Variants in DLG2 observed in about 807,000 individuals in gnomAD.
DLG2 encodes the protein discs large MAGUK scaffold protein 2.
A neutral mutation model predicts 132.5 loss-of-function variants in DLG2; 45 were observed. The observed-to-expected ratio is 0.34, with a 90% confidence interval of 0.27 to 0.44. The LOEUF is 0.44. DLG2 is among the 20% of genes least tolerant of loss of function. The pLI is 1.00. For synonymous variants in DLG2, 424 were observed against 419.6 expected, an observed-to-expected ratio of 1.01 and a Z score of -0.13; for missense variants, 1,045 against 1,196.9, an observed-to-expected ratio of 0.87 and a Z score of 1.87.
Position 83,921,983 on chromosome 11 carries a change from ACC to A in DLG2, c.1496+8343_1496+8344del, listed in dbSNP as rs2078023361. On this transcript the variant is annotated intron_variant, in intron 15 of 27. Coordinates refer to ENST00000376104, the MANE Select transcript of DLG2 (RefSeq NM_001142699.3). ...CAACTCTGTTATCTCAAGGTATTTGACCCTCATGAAGCCTCCTGACTCTACCT... is the reference window on the plus strand; with the variant it reads ...CAACTCTGTTATCTCAAGGTATTTGACTCATGAAGCCTCCTGACTCTACCT... 2.6e-5 allele frequency among the ~76,000 whole-genome samples: 4 copies of A among 152,098 alleles called. No individual in the cohort carries two copies. The South Asian group carries it at 8.3e-4, about 31-fold the overall frequency.
chr11:85,330,993 T>C (rs1417858968), intron 3 of DLG2, among the ~76,000 whole-genome samples: 1 of 152,138 alleles, frequency 6.6e-6, no homozygotes, highest in African/African-American at 2.4e-5. Flanking sequence ...GCAGGGATGA[T>C]AAAATACAAA....
At chr11:85,281,005 T>C (rs1215181880) in intron 4 of DLG2, among the ~76,000 whole-genome samples, 3 of 152,042 alleles carry the variant, frequency 2.0e-5, no homozygotes, top group Non-Finnish European at 4.4e-5. Context: ...CAGGTTAAAA[T>C]GCTATGGGAT....
At position 84,197,585 on chromosome 11, in the gene DLG2, G is replaced by A. The variant is rs529307014; in HGVS notation, c.574-34074C>T. Among the ~76,000 whole-genome samples the A allele has an allele frequency of 5.3e-5, 8 of 152,236 alleles. No homozygotes were observed. In the South Asian group the frequency reaches 1.7e-3, roughly 32 times the overall value. On this transcript the variant is annotated intron_variant, in intron 8 of 27. Transcript: ENST00000376104. ...AGACACAATTAAAATTTTTACAAAG[G>A]AAGGTGCCTAAGCAGAAGGTATTTG...
chr11:84,584,774 T>C (rs945380948), intron 6 of DLG2, among the ~76,000 whole-genome samples: 10 of 137,436 alleles, frequency 7.3e-5, no homozygotes, highest in South Asian at 2.6e-4. Flanking sequence ...CTGCAAGCTC[T>C]GCCTCCCGGG....
At position 85,142,101 on chromosome 11, in the gene DLG2, T is replaced by C. The variant is rs1231877803; in HGVS notation, c.282+12455A>G. On this transcript the variant is annotated intron_variant, in intron 5 of 27. Transcript: ENST00000376104. Reference sequence around the variant, plus strand: ...TTTGTTATTTCTGTGAAGAATGTCATTGGTATTTTGATAGGGATTTCACTG... The same window carrying C: ...TTTGTTATTTCTGTGAAGAATGTCACTGGTATTTTGATAGGGATTTCACTG... Among the ~76,000 whole-genome samples, 5 of 151,852 alleles carry C rather than the reference T, an allele frequency of 3.3e-5. No homozygotes were observed. The East Asian group carries it at 5.8e-4, about 18-fold the overall frequency.
chr11:83,995,381 A>C (rs905774789), intron 11 of DLG2, among the ~76,000 whole-genome samples: 1 of 152,170 alleles, frequency 6.6e-6, no homozygotes, highest in Non-Finnish European at 1.5e-5. Context: ...GTGCCATGTT[A>C]AAAAGTTTAG....
intron 11 of DLG2, among the ~76,000 whole-genome samples, chr11:84,040,624 C>A (rs902546852): frequency 6.6e-5 from 10 of 151,862 alleles, no homozygotes; most frequent in African/African-American, 2.4e-4. Flanking sequence ...GTTACTGTAG[C>A]CTTGTAGTAT....
intron 5 of DLG2, among the ~76,000 whole-genome samples, chr11:85,118,421 G>A (rs1275733796): frequency 6.6e-6 from 1 of 151,956 alleles, no homozygotes; most frequent in Non-Finnish European, 1.5e-5. Context: ...TGCATAAGAG[G>A]ATTAAACACT....
At position 84,182,887 on chromosome 11, in the gene DLG2, A is replaced by G. The variant is rs185135838; in HGVS notation, c.574-19376T>C. 8.5e-5 allele frequency among the ~76,000 whole-genome samples: 13 copies of G among 152,286 alleles called. No homozygotes were observed. In the East Asian group the frequency reaches 2.3e-3, roughly 27 times the overall value. On this transcript the variant is annotated intron_variant, in intron 8 of 27. Coordinates refer to ENST00000376104, the MANE Select transcript of DLG2 (RefSeq NM_001142699.3). ...GAAAAAAAATGACAAAATTGCTAAT[A>G]TTAGAAAAGAAACACAAAACATCAC...
At chr11:85,110,795 T>C (rs929761713) in intron 6 of DLG2, among the ~76,000 whole-genome samples, 1 of 152,144 alleles carries the variant, frequency 6.6e-6, no homozygotes, top group African/African-American at 2.4e-5. Flanking sequence ...TAGATAAAGA[T>C]ATTTAGGAAG....
At chr11:83,936,051 G>A (rs1050426594) in intron 14 of DLG2, among the ~76,000 whole-genome samples, 7 of 152,100 alleles carry the variant, frequency 4.6e-5, no homozygotes, top group Admixed American at 3.3e-4. Context: ...TTAGACACTC[G>A]AGCTCACAAG....
chr11:84,651,833 G>T (rs2099682404), intron 6 of DLG2, among the ~76,000 whole-genome samples: 1 of 152,126 alleles, frequency 6.6e-6, no homozygotes. Flanking sequence ...AAAACTCTGT[G>T]ATCCAGTTCA....
chr11:83,811,376 T>C (rs1445917246), intron 17 of DLG2, among the ~76,000 whole-genome samples: 2 of 152,136 alleles, frequency 1.3e-5, no homozygotes, highest in Non-Finnish European at 2.9e-5. Context: ...CTGTATTAGG[T>C]TGAACCACAC....
At chr11:85,425,742 C>T (rs2090667092) in intron 3 of DLG2, among the ~76,000 whole-genome samples, 2 of 152,138 alleles carry the variant, frequency 1.3e-5, no homozygotes, top group Non-Finnish European at 2.9e-5. Context: ...TCTGCATCTC[C>T]AACTGAGGTA....
At chr11:84,208,575 C>T (rs1424948622) in intron 8 of DLG2, among the ~76,000 whole-genome samples, 1 of 152,090 alleles carries the variant, frequency 6.6e-6, no homozygotes, top group African/African-American at 2.4e-5. Context: ...AACTACTGAA[C>T]TCAGGCAATC....
chr11:84,407,077 C>A (rs1162766858), intron 7 of DLG2, among the ~76,000 whole-genome samples: 1 of 152,164 alleles, frequency 6.6e-6, no homozygotes, highest in Non-Finnish European at 1.5e-5. Context: ...TCCCAGTTAT[C>A]ATAACTGGGC....
chr11:85,174,218 G>A (rs1425081000), intron 4 of DLG2, among the ~76,000 whole-genome samples: 1 of 152,060 alleles, frequency 6.6e-6, no homozygotes, highest in East Asian at 1.9e-4. Context: ...CACATAAATG[G>A]AAGTAAAACA....
chr11:84,896,838 T>C (rs1442012128), intron 6 of DLG2, among the ~76,000 whole-genome samples: 2 of 151,906 alleles, frequency 1.3e-5, no homozygotes, highest in Non-Finnish European at 2.9e-5. Flanking sequence ...ATTTATAAAT[T>C]AAACTTTATC....
At chr11:85,022,462 G>A (rs2060160942) in intron 6 of DLG2, among the ~76,000 whole-genome samples, 1 of 151,988 alleles carries the variant, frequency 6.6e-6, no homozygotes, top group African/African-American at 2.4e-5. Flanking sequence ...TTATATATAT[G>A]TTACTCTGGA....
Sources: gnomAD v4.1 joint callset for allele counts (sites outside exome capture counted in the v4.1 genomes callset) on GRCh38, gnomAD v4.1.1 for gene constraint, MANE v1.5 for transcripts, NCBI Gene and HGNC (gene_info 2026-07-23, HGNC 2026-07-21) for gene names.